Variants in EXOC4 observed in about 807,000 individuals in gnomAD.
EXOC4 encodes SEC8-like 1.
A neutral mutation model predicts 107.2 loss-of-function variants in EXOC4; 71 were observed. That is an observed-to-expected ratio of 0.66 (90% CI 0.55 to 0.81). EXOC4 has a LOEUF of 0.81. Ranked by LOEUF, EXOC4 falls within the 30% of genes least tolerant of loss-of-function variation. The probability of loss-of-function intolerance (pLI) is 0.00; values close to 1 mark genes in which losing one functional copy is unlikely to be tolerated. For missense variants in EXOC4, 1,108 were observed against 1,189.6 expected (o/e 0.93, Z 1.01); for synonymous variants, 456 against 441.2 (o/e 1.03, Z -0.42).
At chr7:133,419,229 G>T (rs1330474539) in intron 7 of EXOC4, among the ~76,000 whole-genome samples, 1 of 152,110 alleles carries the variant, frequency 6.6e-6, no homozygotes, top group Non-Finnish European at 1.5e-5. Flanking sequence ...GGGTGGTTAT[G>T]GACTTGTAGC....
chr7:133,560,421 A>T (rs1466296204), intron 9 of EXOC4, among the ~76,000 whole-genome samples: 1 of 152,040 alleles, frequency 6.6e-6, no homozygotes, highest in Non-Finnish European at 1.5e-5. Flanking sequence ...AGTAGCTGGG[A>T]TTACAGGTGT....
In EXOC4 at chr7:133,380,513, C is replaced by T. The variant is rs1210729716; in HGVS notation, c.1182+5511C>T. Reference sequence around the variant, plus strand: ...CTTGTATCTATTAGCAGTCACTCCTCATATCCCACTCCCTTTACCTCTAGG... The same window carrying T: ...CTTGTATCTATTAGCAGTCACTCCTTATATCCCACTCCCTTTACCTCTAGG... On this transcript the variant is annotated intron_variant, in intron 7 of 17. Transcript: ENST00000253861. 2.0e-5 allele frequency among the ~76,000 whole-genome samples: 3 copies of T among 152,278 alleles called. No homozygotes were observed. The East Asian group carries it at 5.8e-4, about 29-fold the overall frequency.
intron 5 of EXOC4, among the ~76,000 whole-genome samples, chr7:133,353,140 T>C (rs2150650816): frequency 6.6e-6 from 1 of 152,258 alleles, no homozygotes; most frequent in Non-Finnish European, 1.5e-5. Flanking sequence ...TATTTTAAAT[T>C]ATGTAGAAAA....
At chr7:133,987,868 G>A (rs1794154096) in intron 14 of EXOC4, among the ~76,000 whole-genome samples, 1 of 152,204 alleles carries the variant, frequency 6.6e-6, no homozygotes, top group Non-Finnish European at 1.5e-5. Context: ...GTCACAGTGA[G>A]TTGCCATTGA....
chr7:133,896,332 TAATGGGAACA>T (rs1417749887), intron 12 of EXOC4, among the ~76,000 whole-genome samples: 16 of 152,226 alleles, frequency 1.1e-4, no homozygotes, highest in African/African-American at 3.9e-4. Flanking sequence ...AGAAAGCTAA[TAATGGGAACA>T]AATTATAATC....
At chr7:134,091,998 A>G in the EXOC4 span, among the ~76,000 whole-genome samples, 8 of 152,230 alleles carry the variant, frequency 5.3e-5, no homozygotes, top group Admixed American at 5.2e-4. Flanking sequence ...CTTTATATAT[A>G]TGCAAATATT....
intron 6 of EXOC4, among the ~76,000 whole-genome samples, chr7:133,373,711 T>C (rs1796426281): frequency 6.6e-6 from 1 of 152,208 alleles, no homozygotes; most frequent in African/African-American, 2.4e-5. Flanking sequence ...AATTACAAGC[T>C]GAGAGCCACA....
intron 11 of EXOC4, among the ~76,000 whole-genome samples, chr7:133,887,952 G>T (rs1159206055): frequency 6.6e-6 from 1 of 152,166 alleles, no homozygotes; most frequent in Non-Finnish European, 1.5e-5. Flanking sequence ...GGGTGAAGCT[G>T]CAGTGCTTTA....
intron 10 of EXOC4, among the ~76,000 whole-genome samples, chr7:133,754,369 TGTTA>T (rs1228757150): frequency 1.3e-5 from 2 of 152,146 alleles, no homozygotes; most frequent in African/African-American, 4.8e-5. Context: ...GGAATACGCT[TGTTA>T]GTTAGGAATG....
intron 9 of EXOC4, among the ~76,000 whole-genome samples, chr7:133,534,674 A>G (rs558600528): frequency 6.6e-6 from 1 of 152,314 alleles, no homozygotes; most frequent in African/African-American, 2.4e-5. Flanking sequence ...TGTTACATCA[A>G]TGTTCAAAGT....
At chr7:133,346,052 A>C (rs1411444957) in intron 5 of EXOC4, among the ~76,000 whole-genome samples, 5 of 152,340 alleles carry the variant, frequency 3.3e-5, no homozygotes, top group Non-Finnish European at 7.3e-5. Flanking sequence ...CAGTGGGTGC[A>C]TTAATTAGAA....
intron 10 of EXOC4, among the ~76,000 whole-genome samples, chr7:133,817,063 CCTT>C (rs1180407265): frequency 6.6e-6 from 1 of 152,084 alleles, no homozygotes; most frequent in African/African-American, 2.4e-5. Flanking sequence ...AGTCTTATCT[CCTT>C]CTGGAATTAA....
chr7:133,767,488 A>G (rs942745835), intron 10 of EXOC4, among the ~76,000 whole-genome samples: 2 of 151,938 alleles, frequency 1.3e-5, no homozygotes, highest in African/African-American at 4.8e-5. Context: ...GATGTTTTAT[A>G]TGTACCATGT....
intron 9 of EXOC4, among the ~76,000 whole-genome samples, chr7:133,581,428 T>A (rs553385065): frequency 2.8e-4 from 42 of 152,282 alleles, no homozygotes; most frequent in Non-Finnish European, 4.4e-4. Context: ...TTTTTCATCC[T>A]CACCCTCTGT....
In EXOC4 at chr7:133,305,925, C is replaced by T. The variant is rs1563010887; in HGVS notation, c.520C>T (p.Leu174=). 6.2e-7 allele frequency: 1 copy of T among 1,613,170 alleles called. No homozygotes were observed. Among genetic ancestry groups the T allele is most frequent in the Non-Finnish European group, 8.5e-7 (1 of 1,179,576 alleles). Residue 174 remains leucine, a synonymous_variant, in exon 4 of 18, where the codon CTG becomes TTG. Coordinates refer to ENST00000253861, the MANE Select transcript of EXOC4 (RefSeq NM_021807.4). ...LEGPLLQVEG[L]SDLRLELHSK... Reference sequence around the variant, plus strand: ...GGGCCCCCTGCTCCAGGTGGAAGGACTGAGTGACCTTCGACTAGAGCTTCA... The same window carrying T: ...GGGCCCCCTGCTCCAGGTGGAAGGATTGAGTGACCTTCGACTAGAGCTTCA...
intron 17 of EXOC4, among the ~76,000 whole-genome samples, chr7:134,026,091 A>T (rs1795131601): frequency 1.3e-5 from 2 of 152,110 alleles, no homozygotes; most frequent in Admixed American, 1.3e-4. Flanking sequence ...TAAGCCAATA[A>T]AGGAAATTTC....
At chr7:133,862,909 A>G (rs1457796337) in intron 11 of EXOC4, among the ~76,000 whole-genome samples, 2 of 152,322 alleles carry the variant, frequency 1.3e-5, no homozygotes, top group Middle Eastern at 3.4e-3. Context: ...CATCTAAAGT[A>G]TAGTTATCAG....
intron 9 of EXOC4, among the ~76,000 whole-genome samples, chr7:133,609,221 G>A (rs1320857699): frequency 3.3e-5 from 5 of 152,104 alleles, no homozygotes; most frequent in African/African-American, 1.2e-4. Flanking sequence ...TAATAAAAAA[G>A]GAATAATTTT....
chr7:134,004,804 C>T, intron 15 of EXOC4, 108 bp from the exon 16 acceptor site: 6 of 915,096 alleles, frequency 6.6e-6, no homozygotes, highest in Non-Finnish European at 9.8e-6. Flanking sequence ...GCTAGTCTTA[C>T]ATTTATTAAT....
Sources: allele counts gnomAD v4.1 joint callset (sites outside exome capture counted in the v4.1 genomes callset), GRCh38; gene constraint gnomAD v4.1.1; transcripts MANE v1.5; gene names NCBI Gene and HGNC (gene_info 2026-07-23, HGNC 2026-07-21).